The following TMC1 variants were observed in gnomAD, a reference collection of about 807,000 sequenced individuals.
TMC1 encodes transmembrane channel-like protein 1.
Under a neutral mutation model 105.8 loss-of-function variants are expected in TMC1, and 84 were observed. The ratio of observed to expected loss-of-function variants is 0.79; its 90% confidence interval spans 0.67 to 0.95. TMC1 has a LOEUF of 0.95. TMC1 is among the 40% of genes least tolerant of loss of function. The pLI, the probability that TMC1 is intolerant of heterozygous loss-of-function variation, is 0.00. For synonymous variants in TMC1, 315 were observed against 311.5 expected, an observed-to-expected ratio of 1.01 and a Z score of -0.12; for missense variants, 817 against 914.1, an observed-to-expected ratio of 0.89 and a Z score of 1.37.
intron 5 of TMC1, chr9:72,655,683 A>G: frequency 2.6e-6 from 1 of 379,906 alleles, no homozygotes; most frequent in East Asian, 5.6e-5. Flanking sequence ...GGGAGCCTGC[A>G]GTGAGCTGAG....
At chr9:72,630,865 C>CT (rs201645920) in intron 4 of TMC1, among the ~76,000 whole-genome samples, 2,270 of 139,560 alleles carry the variant, frequency 0.016, 45 homozygotes, top group African/African-American at 0.051. Context: ...ACATTTTTCA[C>CT]TTTTTTTTTT....
chr9:72,767,423 T>G (rs553164332), intron 12 of TMC1, among the ~76,000 whole-genome samples: 1 of 152,298 alleles, frequency 6.6e-6, no homozygotes, highest in Admixed American at 6.5e-5. Context: ...TTAATATAAT[T>G]TCAGGCAACA....
intron 2 of TMC1, among the ~76,000 whole-genome samples, chr9:72,603,807 C>T (rs1824862480): frequency 6.7e-6 from 1 of 149,432 alleles, no homozygotes; most frequent in South Asian, 2.1e-4. Flanking sequence ...CTTGGCTTCC[C>T]AAAGTGTTGG....
chr9:72,632,810 A>G (rs1369518152), intron 4 of TMC1, among the ~76,000 whole-genome samples: 2 of 152,214 alleles, frequency 1.3e-5, no homozygotes, highest in Non-Finnish European at 2.9e-5. Context: ...AAAGTTTGCG[A>G]ATAAAGAAAC....
intron 17 of TMC1, among the ~76,000 whole-genome samples, chr9:72,797,646 T>C (rs1828394381): frequency 6.6e-6 from 1 of 152,152 alleles, no homozygotes; most frequent in African/African-American, 2.4e-5. Context: ...TAAATGTTAC[T>C]GGGAGAACTG....
At chr9:72,595,673 C>CT (rs71357596) in intron 2 of TMC1, among the ~76,000 whole-genome samples, 1,409 of 124,086 alleles carry the variant, frequency 0.011, 21 homozygotes, top group Non-Finnish European at 0.018. Flanking sequence ...CAACTCTCAA[C>CT]TTTTTTTTTT....
At chr9:72,537,786 T>A (rs1219759146) in intron 1 of TMC1, among the ~76,000 whole-genome samples, 4 of 152,184 alleles carry the variant, frequency 2.6e-5, no homozygotes, top group Non-Finnish European at 5.9e-5. Flanking sequence ...ATAGGTATAT[T>A]CAAAAATTTC....
intron 1 of TMC1, among the ~76,000 whole-genome samples, chr9:72,550,953 A>G (rs1025962131): frequency 1.3e-5 from 2 of 152,214 alleles, no homozygotes. Context: ...GGGAAGCAGA[A>G]AAGCCAAAGG....
intron 2 of TMC1, among the ~76,000 whole-genome samples, chr9:72,600,663 C>A (rs1009858094): frequency 1.3e-5 from 2 of 151,782 alleles, no homozygotes; most frequent in African/African-American, 2.4e-5. Context: ...ACAAAAAAGT[C>A]CCCATTTTCT....
chr9:72,692,891 G>T (rs1275007350), intron 6 of TMC1, among the ~76,000 whole-genome samples: 4 of 152,250 alleles, frequency 2.6e-5, no homozygotes, highest in South Asian at 4.1e-4. Flanking sequence ...GGCCAAGGCA[G>T]GTGAATCACT....
chr9:72,632,717 A>C (rs1040747805), intron 4 of TMC1, among the ~76,000 whole-genome samples: 2 of 151,946 alleles, frequency 1.3e-5, no homozygotes, highest in Non-Finnish European at 2.9e-5. Flanking sequence ...AGAATTGAAA[A>C]CAAAAAAAAA....
At chr9:72,572,926 A>T (rs1824312101) in intron 1 of TMC1, among the ~76,000 whole-genome samples, 1 of 152,170 alleles carries the variant, frequency 6.6e-6, no homozygotes, top group Non-Finnish European at 1.5e-5. Context: ...TGGGAGGTGG[A>T]GGCTGTGGTA....
intron 8 of TMC1, among the ~76,000 whole-genome samples, chr9:72,736,191 A>T (rs1278527391): frequency 6.6e-6 from 1 of 152,242 alleles, no homozygotes; most frequent in Non-Finnish European, 1.5e-5. Context: ...ACCTAGCGTC[A>T]AGGAAAACTA....
chr9:72,754,171 G>A (rs954796538), intron 11 of TMC1, among the ~76,000 whole-genome samples: 1 of 152,038 alleles, frequency 6.6e-6, no homozygotes, highest in Non-Finnish European at 1.5e-5. Context: ...CCCTATTCTT[G>A]CCCTCTCACT....
intron 1 of TMC1, among the ~76,000 whole-genome samples, chr9:72,539,844 G>A (rs534230106): frequency 6.6e-6 from 1 of 152,248 alleles, no homozygotes; most frequent in African/African-American, 2.4e-5. Flanking sequence ...CGGAGGATGG[G>A]TCATTTACAA....
At chr9:72,605,818 C>T (rs1359667246) in intron 2 of TMC1, among the ~76,000 whole-genome samples, 1 of 152,066 alleles carries the variant, frequency 6.6e-6, no homozygotes, top group Non-Finnish European at 1.5e-5. Flanking sequence ...TCAAGTTATC[C>T]ACCTGCCTTG....
intron 1 of TMC1, among the ~76,000 whole-genome samples, chr9:72,542,885 T>C (rs1192647081): frequency 6.6e-6 from 1 of 151,882 alleles, no homozygotes; most frequent in Non-Finnish European, 1.5e-5. Flanking sequence ...TTCACTATCT[T>C]GGCCAGGCTG....
chr9:72,523,597 T>C (rs967671981), intron 1 of TMC1, among the ~76,000 whole-genome samples: 1 of 152,076 alleles, frequency 6.6e-6, no homozygotes, highest in Non-Finnish European at 1.5e-5. Context: ...CTCTTCATCC[T>C]TGTCATCTTC....
chr9:72,835,220 G>A lies in TMC1; in HGVS notation c.2261-731G>A, dbSNP rs147407156. Among the ~76,000 whole-genome samples, 288 of 152,064 alleles carry A rather than the reference G, an allele frequency of 1.9e-3. 2 individuals carry two copies. The highest frequency in any genetic ancestry group is 6.6e-3 in the African/African-American group (274 of 41,462). On this transcript the variant is annotated intron_variant, in intron 23 of 23. Transcript: ENST00000297784. ...AGTTCAATTCAATGTATTTACCTCC[G>A]CAGTTTAGGCAAACCTTTGTATTTC...
Sources: gnomAD v4.1 joint callset for allele counts (sites outside exome capture counted in the v4.1 genomes callset) on GRCh38, gnomAD v4.1.1 for gene constraint, MANE v1.5 for transcripts, NCBI Gene and HGNC (gene_info 2026-07-23, HGNC 2026-07-21) for gene names.